CCR3: variants seen among roughly 807,000 people sequenced by gnomAD.
CCR3 encodes C-C chemokine receptor type 3.
For missense variants in CCR3, 419 were observed against 437.5 expected (o/e 0.96, Z 0.38); for synonymous variants, 203 against 179.2 (o/e 1.13, Z -1.06).
At chr3:46,247,645 G>A (rs920767766) in intron 1 of CCR3, among the ~76,000 whole-genome samples, 2 of 152,174 alleles carry the variant, frequency 1.3e-5, no homozygotes, top group Admixed American at 1.3e-4. Context: ...ATAGAGGTGG[G>A]AAGGCTAAAC....
At chr3:46,239,731 G>A (rs927012039), upstream of CCR3, among the ~76,000 whole-genome samples, 1 of 152,164 alleles carries the variant, frequency 6.6e-6, no homozygotes, top group Non-Finnish European at 1.5e-5. Flanking sequence ...CTGGTCTACT[G>A]CGTAGTCCCA....
At chr3:46,257,023 A>C (rs1376946143) in intron 1 of CCR3, among the ~76,000 whole-genome samples, 1 of 60,974 alleles carries the variant, frequency 1.6e-5, no homozygotes, top group African/African-American at 6.0e-5. Context: ...CAAATTTGCA[A>C]AAAAAAATTG....
intron 2 of CCR3, among the ~76,000 whole-genome samples, chr3:46,235,341 T>A (rs1435114769): frequency 6.6e-6 from 1 of 151,994 alleles, no homozygotes; most frequent in Non-Finnish European, 1.5e-5. Flanking sequence ...GGGAGGTGAG[T>A]ACCAAGGCCT....
At chr3:46,240,326 T>G (rs2125926476), upstream of CCR3, among the ~76,000 whole-genome samples, 1 of 152,334 alleles carries the variant, frequency 6.6e-6, no homozygotes, top group Admixed American at 6.5e-5. Context: ...CCCTGGCTCT[T>G]GGTTCCTGGC....
In CCR3 at chr3:46,266,132, G is replaced by A. The variant is rs529130101; in HGVS notation, c.974G>A (p.Gly325Asp). 1.4e-4 allele frequency: 230 copies of A among 1,614,058 alleles called. 4 individuals carry two copies. In the South Asian group the frequency reaches 2.4e-3, roughly 17 times the overall value. The change falls in exon 2 of 2, where the codon GGC (glycine) becomes GAC (aspartate). Residue 325 changes from glycine to aspartate, a missense_variant. Coordinates refer to ENST00000395940, the MANE Select transcript of CCR3 (RefSeq NM_178329.3). ...FFHRHLLMHL[G>D]RYIPFLPSEK... Reference sequence around the variant, plus strand: ...CACAGGCACTTGCTCATGCACCTGGGCAGATACATCCCATTCCTTCCTAGT... The same window carrying A: ...CACAGGCACTTGCTCATGCACCTGGACAGATACATCCCATTCCTTCCTAGT...
chr3:46,227,774 T>C (rs1699919432), intron 2 of CCR3, among the ~76,000 whole-genome samples: 1 of 152,250 alleles, frequency 6.6e-6, no homozygotes, highest in African/African-American at 2.4e-5. Flanking sequence ...ACTTCCTCTT[T>C]GACCCATAAA....
chr3:46,261,434 C>T (rs1700523826), intron 1 of CCR3, among the ~76,000 whole-genome samples: 1 of 152,128 alleles, frequency 6.6e-6, no homozygotes, highest in Non-Finnish European at 1.5e-5. Flanking sequence ...ATATTTCAAG[C>T]CCAAAGGGGA....
intron 2 of CCR3, among the ~76,000 whole-genome samples, chr3:46,227,240 A>C (rs1699911174): frequency 6.6e-6 from 1 of 152,150 alleles, no homozygotes; most frequent in Non-Finnish European, 1.5e-5. Flanking sequence ...AATATTCAAC[A>C]AACTAGTTTT....
At chr3:46,211,097 G>T (rs1699706652) in intron 2 of CCR3, among the ~76,000 whole-genome samples, 2 of 151,902 alleles carry the variant, frequency 1.3e-5, no homozygotes. Context: ...TCTCGAATTT[G>T]AATATCCATC....
intron 1 of CCR3, among the ~76,000 whole-genome samples, chr3:46,246,624 A>G (rs540000969): frequency 5.9e-5 from 9 of 152,082 alleles, no homozygotes; most frequent in African/African-American, 2.2e-4. Context: ...GGCAGGGCAT[A>G]TTCACTTCTT....
At chr3:46,234,891 T>C (rs1053006301) in intron 2 of CCR3, among the ~76,000 whole-genome samples, 3 of 152,212 alleles carry the variant, frequency 2.0e-5, no homozygotes, top group African/African-American at 7.2e-5. Context: ...CAGTGAGTGG[T>C]GAGGATGGAG....
intron 2 of CCR3, among the ~76,000 whole-genome samples, chr3:46,228,897 T>A (rs1048091365): frequency 1.3e-5 from 2 of 152,280 alleles, no homozygotes; most frequent in African/African-American, 4.8e-5. Flanking sequence ...ATCTGCTATG[T>A]GTATTCTTAC....
intron 2 of CCR3, among the ~76,000 whole-genome samples, chr3:46,223,433 A>G (rs1003475131): frequency 1.3e-5 from 2 of 152,234 alleles, no homozygotes; most frequent in African/African-American, 4.8e-5. Context: ...TCTGTATTAC[A>G]TCTTTTCTCT....
intron 1 of CCR3, among the ~76,000 whole-genome samples, chr3:46,249,060 T>C (rs1187688641): frequency 6.6e-6 from 1 of 152,094 alleles, no homozygotes; most frequent in African/African-American, 2.4e-5. Flanking sequence ...ATCTTGGCAT[T>C]GAGCAGGGTA....
chr3:46,227,358 G>A (rs1699913183), intron 2 of CCR3, among the ~76,000 whole-genome samples: 2 of 152,006 alleles, frequency 1.3e-5, no homozygotes. Context: ...TCTGATATTG[G>A]TGATTTATGT....
At chr3:46,233,318 G>A (rs1699987473) in intron 2 of CCR3, among the ~76,000 whole-genome samples, 1 of 152,218 alleles carries the variant, frequency 6.6e-6, no homozygotes, top group Non-Finnish European at 1.5e-5. Context: ...TGGCCCTGGT[G>A]CCCGGGAAGG....
intron 2 of CCR3, among the ~76,000 whole-genome samples, chr3:46,229,379 A>G (rs1699936784): frequency 6.6e-6 from 1 of 152,204 alleles, no homozygotes. Context: ...TACATTTCAG[A>G]GTTTGTTTTT....
At chr3:46,223,834 G>A (rs143489946) in intron 2 of CCR3, among the ~76,000 whole-genome samples, 23 of 152,244 alleles carry the variant, frequency 1.5e-4, no homozygotes, top group African/African-American at 5.5e-4. Context: ...ACAGGGTGCT[G>A]GTGCAGGTAT....
chr3:46,234,784 G>T (rs1378438597), intron 2 of CCR3, among the ~76,000 whole-genome samples: 1 of 152,130 alleles, frequency 6.6e-6, no homozygotes, highest in African/African-American at 2.4e-5. Flanking sequence ...TCTTTATTAT[G>T]GCTTTCCTTC....
Sources: gnomAD v4.1 joint callset for allele counts (sites outside exome capture counted in the v4.1 genomes callset) on GRCh38, gnomAD v4.1.1 for gene constraint, MANE v1.5 for transcripts, NCBI Gene and HGNC (gene_info 2026-07-23, HGNC 2026-07-21) for gene names.